RIMKLB: variants seen among roughly 807,000 people sequenced by gnomAD.
The protein encoded by RIMKLB is beta-citrylglutamate synthase B.
In RIMKLB, 7 loss-of-function variants were observed where a neutral mutation model predicts 32.0. That is an observed-to-expected ratio of 0.22 (90% confidence interval 0.12 to 0.41). The LOEUF (loss-of-function observed/expected upper bound fraction) is 0.41, where lower values mean the gene tolerates loss of function less well. Ranked by LOEUF, RIMKLB falls within the 10% of genes least tolerant of loss-of-function variation. The pLI is 1.00. For missense variants in RIMKLB, 289 were observed against 498.7 expected (o/e 0.58, Z 4.00); for synonymous variants, 172 against 185.1 (o/e 0.93, Z 0.57).
Position 8,737,102 on chromosome 12 carries a change from C to T in RIMKLB, c.176-12760C>T, listed in dbSNP as rs565676525. Among the ~76,000 whole-genome samples, 169 of 152,304 alleles carry T rather than the reference C, an allele frequency of 1.1e-3. 1 individual carries two copies. Among genetic ancestry groups the T allele is most frequent in the Admixed American group, 1.8e-3 (27 of 15,292 alleles). On this transcript the variant is annotated intron_variant, in intron 2 of 5. Transcript: ENST00000535829. ...TGCTGGTATTACAGACGTGAGCCAT[C>T]GTGCCCAGCCTTATTAATTACTATT...
chr12:8,682,293 G>A (rs956450688), intron 1 of RIMKLB, among the ~76,000 whole-genome samples: 1 of 152,102 alleles, frequency 6.6e-6, no homozygotes, highest in African/African-American at 2.4e-5. Context: ...TTTCCAAGGG[G>A]TTTACACTTC....
intron 2 of RIMKLB, among the ~76,000 whole-genome samples, chr12:8,728,788 T>TG (rs533329384): frequency 4.1e-4 from 61 of 149,682 alleles, no homozygotes; most frequent in African/African-American, 1.0e-3. Flanking sequence ...TGTGTGTGTG[T>TG]TTTTGTTTGT....
downstream of RIMKLB, chr12:8,777,572 G>A: frequency 7.8e-7 from 1 of 1,284,488 alleles, no homozygotes; most frequent in Non-Finnish European, 1.0e-6. Context: ...TGCTTGCACT[G>A]TTACTGTTCT....
chr12:8,674,262 G>A, the RIMKLB span, among the ~76,000 whole-genome samples: 1 of 131,652 alleles, frequency 7.6e-6, no homozygotes, highest in African/African-American at 2.9e-5. Context: ...TTTTTGAGAC[G>A]GAGTCTCGCT....
At chr12:8,674,502 G>T in the RIMKLB span, among the ~76,000 whole-genome samples, 1 of 151,278 alleles carries the variant, frequency 6.6e-6, no homozygotes, top group Non-Finnish European at 1.5e-5. Context: ...GCCTCCCAAA[G>T]TGCTGGGATT....
rs1357691328 is a variant in RIMKLB at position 8,773,905 on chromosome 12, G to T, written c.*121G>T. 2.1e-6 allele frequency: 3 copies of T among 1,445,810 alleles called. No individual in the cohort carries two copies. The East Asian group carries it at 7.5e-5, about 36-fold the overall frequency. 89.6% of individuals were successfully genotyped at this position (1,445,810 alleles called of 1,614,324 possible). A position where few individuals can be genotyped will look rare whatever the true frequency, so the allele number is the denominator to read the frequency against. ...CAGGAAGATGAGAGAAAATTAGTAG[G>T]ATTAGTTGGAGAGAGTGGGAGATAG... On this transcript the variant is annotated 3_prime_UTR_variant, in exon 6 of 6. Coordinates refer to ENST00000535829, the MANE Select transcript of RIMKLB (RefSeq NM_001297776.2).
At chr12:8,669,861 A>C in the RIMKLB span, among the ~76,000 whole-genome samples, 17 of 151,676 alleles carry the variant, frequency 1.1e-4, no homozygotes, top group Non-Finnish European at 2.5e-4. Context: ...CCCCGTCTCT[A>C]CTAAAAATAC....
intron 1 of RIMKLB, among the ~76,000 whole-genome samples, chr12:8,704,763 TG>T (rs2136770925): frequency 6.6e-6 from 1 of 152,112 alleles, no homozygotes; most frequent in South Asian, 2.1e-4. Context: ...AGGAGAATTT[TG>T]CTTGAGGCCA....
chr12:8,691,983 T>C (rs746649607), intron 1 of RIMKLB, among the ~76,000 whole-genome samples: 3 of 151,354 alleles, frequency 2.0e-5, no homozygotes, highest in Non-Finnish European at 4.4e-5. Flanking sequence ...TTCAGTCATG[T>C]TTCCCTGCAC....
At chr12:8,719,620 C>T (rs1028870479) in intron 2 of RIMKLB, among the ~76,000 whole-genome samples, 2 of 152,122 alleles carry the variant, frequency 1.3e-5, no homozygotes, top group African/African-American at 2.4e-5. Context: ...CCGCCCGCCT[C>T]GGCCTACCAA....
upstream of RIMKLB, among the ~76,000 whole-genome samples, chr12:8,680,197 C>T (rs1023872690): frequency 5.3e-5 from 8 of 152,204 alleles, no homozygotes; most frequent in South Asian, 1.7e-3. Flanking sequence ...ACTCTGATGC[C>T]CACGCTGGAG....
At chr12:8,688,857 T>C (rs1591598678) in intron 1 of RIMKLB, among the ~76,000 whole-genome samples, 1 of 151,434 alleles carries the variant, frequency 6.6e-6, no homozygotes, top group African/African-American at 2.4e-5. Context: ...TTTTCTGAGG[T>C]GGAGTCTCGC....
intron 1 of RIMKLB, among the ~76,000 whole-genome samples, chr12:8,711,557 T>C (rs1024563219): frequency 2.6e-5 from 4 of 152,118 alleles, no homozygotes; most frequent in Non-Finnish European, 5.9e-5. Context: ...TTAGGGTACA[T>C]GTGCACAATG....
chr12:8,746,031 C>A (rs1948055180), intron 2 of RIMKLB, among the ~76,000 whole-genome samples: 1 of 151,802 alleles, frequency 6.6e-6, no homozygotes, highest in South Asian at 2.1e-4. Context: ...ACACAGTTTT[C>A]ACTCCACCAG....
downstream of RIMKLB, chr12:8,780,168 C>T (rs186006638): frequency 5.3e-5 from 8 of 152,304 alleles, no homozygotes; most frequent in Admixed American, 5.2e-4. Context: ...TTTTATATTG[C>T]TGCATCTTCC....
chr12:8,752,082 CT>C, intron 4 of RIMKLB, 39 bp downstream of exon 4: 1 of 1,274,138 alleles, frequency 7.8e-7, no homozygotes, highest in South Asian at 1.3e-5. Flanking sequence ...AGTTTTGAAA[CT>C]ATTCTTGCTT....
chr12:8,782,993 T>A (rs768327568), exon 8 of RIMKLB: 7 of 152,328 alleles, frequency 4.6e-5, no homozygotes, highest in Non-Finnish European at 1.0e-4. Flanking sequence ...GTGTGCTTTT[T>A]CAAGTGGAGA....
chr12:8,698,603 A>G (rs1943078507), intron 1 of RIMKLB, among the ~76,000 whole-genome samples: 1 of 151,948 alleles, frequency 6.6e-6, no homozygotes, highest in African/African-American at 2.4e-5. Context: ...TGTAAGGAGT[A>G]TGGTTTCCCC....
At chr12:8,698,713 C>CT (rs1211450916) in intron 1 of RIMKLB, among the ~76,000 whole-genome samples, 1 of 103,290 alleles carries the variant, frequency 9.7e-6, no homozygotes, top group Non-Finnish European at 2.2e-5. Flanking sequence ...CCCCTCCCCC[C>CT]CCTTCCCACA....
Sources: allele counts gnomAD v4.1 joint callset (sites outside exome capture counted in the v4.1 genomes callset), GRCh38; gene constraint gnomAD v4.1.1; transcripts MANE v1.5; gene names NCBI Gene and HGNC (gene_info 2026-07-23, HGNC 2026-07-21).